The following PDZD2 variants were observed in gnomAD, a reference collection of about 807,000 sequenced individuals.
PDZD2 encodes PDZ domain containing 2.
In PDZD2, 90 loss-of-function variants were observed where a neutral mutation model predicts 220.7. That is an observed-to-expected ratio of 0.41 (90% CI 0.34 to 0.49). PDZD2 has a LOEUF of 0.49. PDZD2 is among the 20% of genes least tolerant of loss of function. The probability of loss-of-function intolerance (pLI) is 0.28; values close to 1 mark genes in which losing one functional copy is unlikely to be tolerated. For synonymous variants in PDZD2, 1,375 were observed against 1,450.5 expected, an observed-to-expected ratio of 0.95 and a Z score of 1.18; for missense variants, 3,174 against 3,608.5, an observed-to-expected ratio of 0.88 and a Z score of 3.08.
chr5:32,040,953 GGGA>G (rs1756068618), intron 7 of PDZD2, among the ~76,000 whole-genome samples: 1 of 138,398 alleles, frequency 7.2e-6, no homozygotes, highest in Non-Finnish European at 1.6e-5. Flanking sequence ...CTGGGAAATG[GGGA>G]GCGCCTCTGC....
intron 1 of PDZD2, among the ~76,000 whole-genome samples, chr5:31,779,977 T>C (rs1752962208): frequency 1.3e-5 from 2 of 152,164 alleles, no homozygotes; most frequent in African/African-American, 2.4e-5. Context: ...CGCTAGAGGA[T>C]TGAAGACGTC....
chr5:32,070,717 C>A (rs7726066), intron 15 of PDZD2, among the ~76,000 whole-genome samples: 5,870 of 152,300 alleles, frequency 0.039, 362 homozygotes, highest in African/African-American at 0.13. Context: ...TCCATGGAGC[C>A]GGGCGCCATG....
Position 32,085,454 on chromosome 5 carries a change from T to TA in PDZD2, c.3683-1677_3683-1676insA, listed in dbSNP as rs1373508178. On this transcript the variant is annotated intron_variant, in intron 19 of 24. Transcript: ENST00000438447. ...AATAAATGCAATACCTTATTATTATTTTTTTTTTTTGAGACGGAGTCTTGC... is the reference window on the plus strand; with the variant it reads ...AATAAATGCAATACCTTATTATTATTATTTTTTTTTTGAGACGGAGTCTTGC... 1.6e-3 allele frequency among the ~76,000 whole-genome samples: 230 copies of TA among 148,098 alleles called. 18 individuals are homozygous for TA. The highest frequency in any genetic ancestry group is 5.6e-3 in the African/African-American group (220 of 39,110).
intron 21 of PDZD2, among the ~76,000 whole-genome samples, chr5:32,096,829 A>ATTGTTTTT (rs1743753147): frequency 1.0e-5 from 1 of 96,832 alleles, no homozygotes; most frequent in Non-Finnish European, 1.9e-5. Flanking sequence ...ATGTACTATG[A>ATTGTTTTT]TTTTTTTTTT....
In PDZD2 at chr5:32,074,423, C is replaced by T. The variant is rs34748216; in HGVS notation, c.3317C>T (p.Ser1106Phe). The T allele has an allele frequency of 8.5e-3, 13,796 of 1,613,940 alleles. 101 individuals carry two copies. Among genetic ancestry groups the T allele is most frequent in the Middle Eastern group, 0.042 (255 of 6,060 alleles). ...QSPTNTGSPSSPQQKSEGLGS... is the reference protein window; with the variant it reads ...QSPTNTGSPSFPQQKSEGLGS... Reference sequence around the variant, plus strand: ...CCGACGAACACTGGGAGCCCCAGTTCCCCCCAGCAGAAAAGTGAAGGCCTG... The same window carrying T: ...CCGACGAACACTGGGAGCCCCAGTTTCCCCCAGCAGAAAAGTGAAGGCCTG... Residue 1106 changes from serine (S) to phenylalanine (F), a missense_variant, in exon 18 of 25, where the codon TCC (serine) becomes TTC (phenylalanine). Ser to Phe is a radical substitution (Grantham distance 155). Around this residue, in one of 4 missense-constraint regions of PDZD2, gnomAD observed 1,861 missense variants for 2,001.0 expected, o/e 0.93. Coordinates refer to ENST00000438447, the MANE Select transcript of PDZD2 (RefSeq NM_178140.4).
intron 1 of PDZD2, among the ~76,000 whole-genome samples, chr5:31,738,877 T>A (rs1403957238): frequency 6.7e-6 from 1 of 148,542 alleles, no homozygotes; most frequent in Admixed American, 6.8e-5. Context: ...ACAGGATTTT[T>A]AAATATATAT....
At chr5:31,769,605 G>T (rs1580720197) in intron 1 of PDZD2, among the ~76,000 whole-genome samples, 1 of 152,184 alleles carries the variant, frequency 6.6e-6, no homozygotes, top group East Asian at 1.9e-4. Context: ...TTTTTAAATT[G>T]TTTCTCCTGA....
intron 2 of PDZD2, among the ~76,000 whole-genome samples, chr5:31,934,357 G>A (rs1561123021): frequency 6.6e-6 from 1 of 152,058 alleles, no homozygotes; most frequent in Non-Finnish European, 1.5e-5. Context: ...CAAAAAATGT[G>A]GACTTGCCTG....
intron 2 of PDZD2, among the ~76,000 whole-genome samples, chr5:31,890,478 A>G (rs1581005145): frequency 1.3e-5 from 2 of 152,280 alleles, no homozygotes; most frequent in East Asian, 3.9e-4. Context: ...GTAGGGAAAA[A>G]TGAAGAAACC....
chr5:31,791,662 A>G (rs953823662), intron 1 of PDZD2, among the ~76,000 whole-genome samples: 1 of 150,840 alleles, frequency 6.6e-6, no homozygotes, highest in African/African-American at 2.4e-5. Flanking sequence ...TTTTCTTACC[A>G]TTTTTCCTAG....
intron 2 of PDZD2, among the ~76,000 whole-genome samples, chr5:31,878,555 C>CCTTTTTTTTTTTTTTTTTTTTTTTT (rs750266997): frequency 2.1e-5 from 1 of 48,198 alleles, no homozygotes; most frequent in African/African-American, 7.0e-5. Context: ...ATGACCTCGG[C>CCTTTTTTTTTTTTTTTTTTTTTTTT]TTTTTTTTTT....
At chr5:31,834,322 C>T (rs1756813544) in intron 2 of PDZD2, among the ~76,000 whole-genome samples, 1 of 152,154 alleles carries the variant, frequency 6.6e-6, no homozygotes, top group African/African-American at 2.4e-5. Context: ...CCATATTCTC[C>T]ATTTTTAACT....
chr5:32,106,501 A>G (rs915176797), intron 24 of PDZD2: 2 of 152,250 alleles, frequency 1.3e-5, no homozygotes, highest in African/African-American at 4.8e-5. Flanking sequence ...CCTTCTAACA[A>G]CCTAGTAAGA....
At chr5:31,919,979 C>G (rs1265227822) in intron 2 of PDZD2, among the ~76,000 whole-genome samples, 1 of 151,962 alleles carries the variant, frequency 6.6e-6, no homozygotes, top group Admixed American at 6.6e-5. Context: ...ATGACTGTGC[C>G]ACTGCATTCT....
At chr5:31,965,380 T>G (rs1409337491) in intron 2 of PDZD2, among the ~76,000 whole-genome samples, 2 of 152,140 alleles carry the variant, frequency 1.3e-5, no homozygotes, top group Non-Finnish European at 2.9e-5. Flanking sequence ...ACATTGGCCC[T>G]CTCACCCTAG....
At chr5:31,742,374 T>C (rs887835034) in intron 1 of PDZD2, 1 of 152,034 alleles carries the variant, frequency 6.6e-6, no homozygotes, top group Non-Finnish European at 1.5e-5. Flanking sequence ...GTTGTAAATA[T>C]TTGAAAATTA....
intron 1 of PDZD2, among the ~76,000 whole-genome samples, chr5:31,794,654 G>A (rs6866048): frequency 0.042 from 6,378 of 152,088 alleles, 440 homozygotes; most frequent in African/African-American, 0.14. Flanking sequence ...TGATCTGCCC[G>A]CCTGGGCCTC....
chr5:31,896,006 G>C (rs1741515590), intron 2 of PDZD2, among the ~76,000 whole-genome samples: 1 of 152,102 alleles, frequency 6.6e-6, no homozygotes, highest in South Asian at 2.1e-4. Flanking sequence ...GTTCCACTTT[G>C]CCCATGTGGA....
intron 19 of PDZD2, among the ~76,000 whole-genome samples, chr5:32,079,859 C>G (rs978121054): frequency 1.3e-5 from 2 of 151,974 alleles, no homozygotes; most frequent in African/African-American, 4.8e-5. Context: ...ATCCCATACC[C>G]TGATGGCTAC....
Sources: allele counts gnomAD v4.1 joint callset (sites outside exome capture counted in the v4.1 genomes callset), GRCh38; gene constraint gnomAD v4.1.1; regional missense constraint gnomAD v4.1.1; transcripts MANE v1.5; gene names NCBI Gene and HGNC (gene_info 2026-07-23, HGNC 2026-07-21).